ZNF804A: variants seen among roughly 807,000 people sequenced by gnomAD.
ZNF804A encodes the protein zinc finger protein 804A.
A neutral mutation model predicts 16.5 loss-of-function variants in ZNF804A; 2 were observed. That is an observed-to-expected ratio of 0.12 (90% CI 0.05 to 0.38). The LOEUF (loss-of-function observed/expected upper bound fraction) is 0.38. Ranked by LOEUF, ZNF804A falls within the 10% of genes least tolerant of loss-of-function variation. The pLI, the probability that ZNF804A is intolerant of heterozygous loss-of-function variation, is 0.99. For missense variants in ZNF804A, 1,473 were observed against 1,390.7 expected, an observed-to-expected ratio of 1.06 and a Z score of -0.94; for synonymous variants, 534 against 489.6, an observed-to-expected ratio of 1.09 and a Z score of -1.20.
intron 1 of ZNF804A, among the ~76,000 whole-genome samples, chr2:184,721,683 TC>T (rs1385776751): frequency 6.6e-6 from 1 of 152,046 alleles, no homozygotes; most frequent in Non-Finnish European, 1.5e-5. Context: ...TGTAGTTTTC[TC>T]AAAAAGCTAA....
In ZNF804A at chr2:184,602,052, G is replaced by A. The variant is rs562375262; in HGVS notation, c.111+2982G>A. Among the ~76,000 whole-genome samples the A allele has an allele frequency of 1.6e-4, 24 of 151,868 alleles. 1 individual carries two copies. Among genetic ancestry groups the A allele is most frequent in the African/African-American group, 5.3e-4 (22 of 41,492 alleles). ...ATTGCTTTAATCCTAAATCCAGAACGTTATCCTGCCATTCATATTGAGAAG... is the reference window on the plus strand; with the variant it reads ...ATTGCTTTAATCCTAAATCCAGAACATTATCCTGCCATTCATATTGAGAAG... On this transcript the variant is annotated intron_variant, in intron 1 of 3. Coordinates refer to ENST00000302277, the MANE Select transcript of ZNF804A (RefSeq NM_194250.2).
At chr2:184,830,110 C>CCACACACACA (rs151005970) in intron 1 of ZNF804A, among the ~76,000 whole-genome samples, 12 of 141,668 alleles carry the variant, frequency 8.5e-5, no homozygotes, top group Admixed American at 4.9e-4. Flanking sequence ...ACACACCCAC[C>CCACACACACA]CACACACACA....
intron 1 of ZNF804A, among the ~76,000 whole-genome samples, chr2:184,645,747 T>C (rs1229979992): frequency 6.6e-6 from 1 of 152,160 alleles, no homozygotes; most frequent in Non-Finnish European, 1.5e-5. Flanking sequence ...AGATAGTACA[T>C]AAAGATCAAC....
Position 184,892,981 on chromosome 2 carries a change from C to T in ZNF804A, c.255+26469C>T, listed in dbSNP as rs6711365. ...TATATAAAGGAAGGCTAGAGCCTAACTTTTGAGTTAAAAATAATATATCGT... is the reference window on the plus strand; with the variant it reads ...TATATAAAGGAAGGCTAGAGCCTAATTTTTGAGTTAAAAATAATATATCGT... On this transcript the variant is annotated intron_variant, in intron 2 of 3. Coordinates refer to ENST00000302277, the MANE Select transcript of ZNF804A (RefSeq NM_194250.2). Among the ~76,000 whole-genome samples, 347 of 152,152 alleles carry T rather than the reference C, an allele frequency of 2.3e-3. 1 individual carries two copies. Among genetic ancestry groups the T allele is most frequent in the African/African-American group, 7.7e-3 (321 of 41,524 alleles).
chr2:184,698,368 G>A (rs908255561), intron 1 of ZNF804A, among the ~76,000 whole-genome samples: 19 of 152,144 alleles, frequency 1.2e-4, no homozygotes, highest in African/African-American at 4.6e-4. Flanking sequence ...ACAGCTAAAA[G>A]CAGTATCAGT....
intron 1 of ZNF804A, among the ~76,000 whole-genome samples, chr2:184,830,806 C>T (rs1022635705): frequency 6.6e-5 from 10 of 152,014 alleles, no homozygotes; most frequent in Non-Finnish European, 1.5e-4. Context: ...AAAAGAGTTC[C>T]ATCAGAATAA....
At chr2:184,721,877 T>A (rs754708702) in intron 1 of ZNF804A, among the ~76,000 whole-genome samples, 6 of 152,062 alleles carry the variant, frequency 3.9e-5, no homozygotes, top group Non-Finnish European at 7.4e-5. Flanking sequence ...GGAAATGTGA[T>A]ATATATACAC....
At chr2:184,603,686 G>GT (rs1287076290) in intron 1 of ZNF804A, among the ~76,000 whole-genome samples, 1 of 152,180 alleles carries the variant, frequency 6.6e-6, no homozygotes, top group Non-Finnish European at 1.5e-5. Flanking sequence ...AGAGAGCTCA[G>GT]GGGTGAGGGT....
intron 1 of ZNF804A, among the ~76,000 whole-genome samples, chr2:184,774,674 A>G (rs1211756813): frequency 6.6e-6 from 1 of 151,806 alleles, no homozygotes; most frequent in African/African-American, 2.4e-5. Flanking sequence ...AAGAAAAATT[A>G]GTTCTATTTT....
At chr2:184,708,117 A>G (rs75558946) in intron 1 of ZNF804A, among the ~76,000 whole-genome samples, 1 of 151,780 alleles carries the variant, frequency 6.6e-6, no homozygotes, top group Non-Finnish European at 1.5e-5. Flanking sequence ...TGTTTTGTAC[A>G]TACTTCTCAA....
intron 1 of ZNF804A, among the ~76,000 whole-genome samples, chr2:184,703,371 C>T (rs1692959150): frequency 1.3e-5 from 2 of 152,062 alleles, no homozygotes; most frequent in South Asian, 2.1e-4. Context: ...ATAGTGAACA[C>T]ATATACTCTA....
At chr2:184,760,930 C>T (rs751701154) in intron 1 of ZNF804A, among the ~76,000 whole-genome samples, 2 of 152,024 alleles carry the variant, frequency 1.3e-5, no homozygotes, top group East Asian at 1.9e-4. Context: ...TTTAATTCAC[C>T]GGCTGGCACA....
chr2:184,855,513 A>G (rs1284696954), intron 1 of ZNF804A, among the ~76,000 whole-genome samples: 1 of 151,992 alleles, frequency 6.6e-6, no homozygotes, highest in Non-Finnish European at 1.5e-5. Flanking sequence ...ATGTGACTTC[A>G]TGAATTCAGC....
At chr2:184,643,260 A>G (rs1691820520) in intron 1 of ZNF804A, among the ~76,000 whole-genome samples, 1 of 151,974 alleles carries the variant, frequency 6.6e-6, no homozygotes, top group South Asian at 2.1e-4. Flanking sequence ...TAGTATAGTG[A>G]AAGGTTCTTA....
intron 1 of ZNF804A, among the ~76,000 whole-genome samples, chr2:184,696,470 T>C (rs1305605310): frequency 2.0e-5 from 3 of 152,192 alleles, no homozygotes; most frequent in African/African-American, 7.2e-5. Context: ...GGACTGCTTA[T>C]ATGGCTTTTT....
intron 1 of ZNF804A, among the ~76,000 whole-genome samples, chr2:184,804,064 C>T (rs1323092814): frequency 6.6e-6 from 1 of 152,066 alleles, no homozygotes; most frequent in Non-Finnish European, 1.5e-5. Flanking sequence ...CGGAGTTTCA[C>T]CATGTTGGTC....
intron 1 of ZNF804A, among the ~76,000 whole-genome samples, chr2:184,852,794 T>C (rs1695627000): frequency 6.6e-6 from 1 of 151,534 alleles, no homozygotes; most frequent in African/African-American, 2.4e-5. Context: ...TCCATTCTGA[T>C]CCATTGGTCT....
At chr2:184,614,890 A>T (rs1016048844) in intron 1 of ZNF804A, among the ~76,000 whole-genome samples, 4 of 152,152 alleles carry the variant, frequency 2.6e-5, no homozygotes, top group African/African-American at 9.7e-5. Context: ...GAAACAACAG[A>T]TGCTGGAGAG....
intron 1 of ZNF804A, among the ~76,000 whole-genome samples, chr2:184,713,295 C>T (rs1693159252): frequency 6.6e-6 from 1 of 151,826 alleles, no homozygotes; most frequent in African/African-American, 2.4e-5. Flanking sequence ...CAAGCCAGTT[C>T]TCCATATTCT....
Sources: gnomAD v4.1 joint callset for allele counts (sites outside exome capture counted in the v4.1 genomes callset) on GRCh38, gnomAD v4.1.1 for gene constraint, MANE v1.5 for transcripts, NCBI Gene and HGNC (gene_info 2026-07-23, HGNC 2026-07-21) for gene names.